The following MYO3B variants were observed in gnomAD, a reference collection of about 807,000 sequenced individuals.
MYO3B encodes myosin IIIB.
In MYO3B, 156 loss-of-function variants were observed where a neutral mutation model predicts 174.6. That is an observed-to-expected ratio of 0.89 (90% CI 0.78 to 1.02). The LOEUF (loss-of-function observed/expected upper bound fraction) is 1.02, where lower values mean the gene tolerates loss of function less well. MYO3B is among the 50% of genes least tolerant of loss of function. The pLI, the probability that MYO3B is intolerant of heterozygous loss-of-function variation, is 0.00. For synonymous variants in MYO3B, 563 were observed against 569.1 expected (o/e 0.99, Z 0.15); for missense variants, 1,632 against 1,639.4 (o/e 1.00, Z 0.08).
chr2:170,532,171 G>A (rs1280581933), intron 30 of MYO3B, among the ~76,000 whole-genome samples: 1 of 152,192 alleles, frequency 6.6e-6, no homozygotes, highest in Non-Finnish European at 1.5e-5. Flanking sequence ...CTTGCCAAAT[G>A]TGCATAACCT....
intron 14 of MYO3B, among the ~76,000 whole-genome samples, chr2:170,389,883 A>G (rs979880657): frequency 1.3e-5 from 2 of 152,048 alleles, no homozygotes; most frequent in African/African-American, 4.8e-5. Context: ...ATTCTCCATC[A>G]CCACTACCAT....
At chr2:170,356,421 G>A (rs150047050) in intron 8 of MYO3B, among the ~76,000 whole-genome samples, 12 of 152,014 alleles carry the variant, frequency 7.9e-5, no homozygotes, top group African/African-American at 2.4e-4. Context: ...GGAGTACAAC[G>A]GCATGATCTC....
intron 7 of MYO3B, among the ~76,000 whole-genome samples, chr2:170,281,388 T>C (rs1324977767): frequency 1.3e-5 from 2 of 152,080 alleles, no homozygotes; most frequent in Non-Finnish European, 2.9e-5. Context: ...CCTCAGCAAA[T>C]GCAAAAGAAC....
chr2:170,649,214 T>A lies in MYO3B; in HGVS notation c.3734-2414T>A, dbSNP rs1475226025. ...TATATATTATATATAAAATAATATA[T>A]AATATATTATATATAAAATAATATA... On this transcript the variant is annotated intron_variant, in intron 32 of 34. Transcript: ENST00000408978. Among the ~76,000 whole-genome samples, 29 of 35,630 alleles carry A rather than the reference T, an allele frequency of 8.1e-4. 1 individual carries two copies. Among genetic ancestry groups the A allele is most frequent in the African/African-American group, 4.3e-3 (25 of 5,846 alleles). The allele number at this position is 35,630 out of a possible 152,430, so 23.4% of individuals were successfully genotyped here. A position where few individuals can be genotyped will look rare whatever the true frequency, so the allele number is the denominator to read the frequency against.
chr2:170,318,418 A>G (rs898261074), intron 7 of MYO3B, among the ~76,000 whole-genome samples: 2 of 152,210 alleles, frequency 1.3e-5, no homozygotes, highest in African/African-American at 4.8e-5. Context: ...CCTTGTAGTC[A>G]ATGCAGATCC....
intron 8 of MYO3B, among the ~76,000 whole-genome samples, chr2:170,335,989 G>A (rs546609955): frequency 6.6e-6 from 1 of 152,274 alleles, no homozygotes; most frequent in African/African-American, 2.4e-5. Flanking sequence ...AGATGATGGT[G>A]TGACATACCT....
chr2:170,447,327 C>A (rs1453591625), intron 23 of MYO3B, among the ~76,000 whole-genome samples: 1 of 151,834 alleles, frequency 6.6e-6, no homozygotes, highest in African/African-American at 2.4e-5. Context: ...GGTTTTTTTT[C>A]TTCTTCTTAA....
At chr2:170,269,124 T>A (rs2093406376) in intron 7 of MYO3B, among the ~76,000 whole-genome samples, 2 of 152,186 alleles carry the variant, frequency 1.3e-5, no homozygotes, top group African/African-American at 4.8e-5. Context: ...ACAGGCTGCC[T>A]CTTAATCTAA....
intron 8 of MYO3B, among the ~76,000 whole-genome samples, chr2:170,354,209 G>A (rs1404630384): frequency 6.6e-6 from 1 of 152,216 alleles, no homozygotes; most frequent in Non-Finnish European, 1.5e-5. Context: ...GCCTGAGCTA[G>A]TGTTACTCCC....
chr2:170,583,638 T>C (rs1693302449), intron 32 of MYO3B, among the ~76,000 whole-genome samples: 1 of 152,198 alleles, frequency 6.6e-6, no homozygotes, highest in Admixed American at 6.5e-5. Flanking sequence ...GAGCACTTTA[T>C]TCTGTGCATG....
At chr2:170,585,968 C>G (rs79568758) in intron 32 of MYO3B, among the ~76,000 whole-genome samples, 31,078 of 151,848 alleles carry the variant, frequency 0.2, 4,016 homozygotes, top group East Asian at 0.41. Context: ...TGAGGCAGGC[C>G]AGGGGGAGGT....
At chr2:170,297,457 T>G (rs1283974303) in intron 7 of MYO3B, among the ~76,000 whole-genome samples, 1 of 152,222 alleles carries the variant, frequency 6.6e-6, no homozygotes. Context: ...ATTGCCATAG[T>G]AACTCTGCTT....
chr2:170,495,686 T>C lies in MYO3B; in HGVS notation c.3015-2906T>C, dbSNP rs573706607. Among the ~76,000 whole-genome samples the C allele has an allele frequency of 4.6e-5, 7 of 152,310 alleles. No individual in the cohort carries two copies. The South Asian group carries it at 1.4e-3, about 32-fold the overall frequency. On this transcript the variant is annotated intron_variant, in intron 25 of 34. Transcript: ENST00000408978. ...TTATATCTTTCAAGGTGCTGGTCATTCATCAGATTCTTTAAATACTTCATC... is the reference window on the plus strand; with the variant it reads ...TTATATCTTTCAAGGTGCTGGTCATCCATCAGATTCTTTAAATACTTCATC...
In MYO3B at chr2:170,400,216, C is replaced by CG; in HGVS notation, c.1820_1821insG (p.Gly608TrpfsTer9). 1 of 1,613,906 alleles carries CG rather than the reference C, an allele frequency of 6.2e-7. No homozygotes were observed. The highest frequency in any genetic ancestry group is 8.5e-7 in the Non-Finnish European group (1 of 1,179,968). On this transcript the variant is annotated frameshift_variant, in exon 17 of 35. Transcript: ENST00000408978. LOFTEE classifies it high-confidence loss of function. ...GTGCACTCAGTGTACAGAATTTTGG[C>CG]TGGGATTTTGAATATTGGGAACATT...
chr2:170,559,696 C>A (rs375857788), intron 32 of MYO3B, among the ~76,000 whole-genome samples: 1 of 152,010 alleles, frequency 6.6e-6, no homozygotes, highest in East Asian at 1.9e-4. Flanking sequence ...TTCTCCCTAC[C>A]AAGAACAATT....
At chr2:170,212,212 C>T (rs1451416613) in intron 3 of MYO3B, among the ~76,000 whole-genome samples, 1 of 150,152 alleles carries the variant, frequency 6.7e-6, no homozygotes, top group Non-Finnish European at 1.5e-5. Flanking sequence ...CACTGCACTC[C>T]AGCCTGGGCA....
chr2:170,535,022 C>T (rs1288438349), intron 30 of MYO3B, among the ~76,000 whole-genome samples: 1 of 152,186 alleles, frequency 6.6e-6, no homozygotes, highest in Non-Finnish European at 1.5e-5. Flanking sequence ...ATTGCAGACC[C>T]TGCCTCCAAT....
chr2:170,349,693 G>A (rs1433740585), intron 8 of MYO3B: 4 of 151,624 alleles, frequency 2.6e-5, no homozygotes, highest in Non-Finnish European at 5.9e-5. Flanking sequence ...CAGCTACTTG[G>A]GAGGCTGAGG....
In MYO3B at chr2:170,550,909, GT is replaced by G. The variant is rs547004964; in HGVS notation, c.3733+6926del. Among the ~76,000 whole-genome samples, 994 of 152,208 alleles carry G rather than the reference GT, an allele frequency of 6.5e-3. 13 individuals are homozygous for G. Among genetic ancestry groups the G allele is most frequent in the African/African-American group, 0.023 (938 of 41,532 alleles). ...GAATGACTGCCTTTATTGTTTGTTT[GT>G]TTTTGTGAGACAGAGTCTTGCTCTG... On this transcript the variant is annotated intron_variant, in intron 32 of 34. Transcript: ENST00000408978.
Sources: allele counts gnomAD v4.1 joint callset (sites outside exome capture counted in the v4.1 genomes callset), GRCh38; gene constraint gnomAD v4.1.1; transcripts MANE v1.5; gene names NCBI Gene and HGNC (gene_info 2026-07-23, HGNC 2026-07-21).